Variants in SCAMP1 observed in about 807,000 individuals in gnomAD.
SCAMP1 encodes the protein secretory carrier-associated membrane protein 1.
A neutral mutation model predicts 41.8 loss-of-function variants in SCAMP1; 15 were observed. That is an observed-to-expected ratio of 0.36 (90% CI 0.24 to 0.55). SCAMP1 has a LOEUF of 0.55. Ranked by LOEUF, SCAMP1 falls within the 20% of genes least tolerant of loss-of-function variation. The probability of loss-of-function intolerance (pLI) is 0.86; values close to 1 mark genes in which losing one functional copy is unlikely to be tolerated. For missense variants in SCAMP1, 341 were observed against 412.6 expected (o/e 0.83, Z 1.50); for synonymous variants, 135 against 136.8 (o/e 0.99, Z 0.09).
intron 6 of SCAMP1, among the ~76,000 whole-genome samples, chr5:78,424,374 G>A (rs116240275): frequency 0.012 from 1,763 of 152,256 alleles, 15 homozygotes; most frequent in Middle Eastern, 0.02. Context: ...TAAAAGTTAA[G>A]TTTATTAGGT....
chr5:78,444,167 CA>C (rs765623477), intron 6 of SCAMP1, among the ~76,000 whole-genome samples: 1 of 152,282 alleles, frequency 6.6e-6, no homozygotes, highest in East Asian at 1.9e-4. Flanking sequence ...CTGGTTTAGA[CA>C]GTTTTGGAGC....
chr5:78,467,531 C>G (rs1403564319), intron 8 of SCAMP1, among the ~76,000 whole-genome samples: 2 of 152,144 alleles, frequency 1.3e-5, no homozygotes, highest in Non-Finnish European at 2.9e-5. Context: ...ATATGACTTT[C>G]TCGAATAAAA....
chr5:78,378,921 G>T (rs944385060), intron 1 of SCAMP1, among the ~76,000 whole-genome samples: 1 of 152,166 alleles, frequency 6.6e-6, no homozygotes, highest in Non-Finnish European at 1.5e-5. Context: ...AACAAGGTAC[G>T]TTCAGAGTGA....
rs571584795 is a variant in SCAMP1 at position 78,477,754 on chromosome 5, A to C, written c.*2086A>C. On this transcript the variant is annotated 3_prime_UTR_variant, in exon 9 of 9. Coordinates refer to ENST00000621999, the MANE Select transcript of SCAMP1 (RefSeq NM_004866.6). Reference sequence around the variant, plus strand: ...TTTTAAAATCCAGTTATTTAATATGAGTTTGAGAGAGAAAATTGTTTTTTA... The same window carrying C: ...TTTTAAAATCCAGTTATTTAATATGCGTTTGAGAGAGAAAATTGTTTTTTA... 1 of 152,298 alleles carries C rather than the reference A, an allele frequency of 6.6e-6. No individual in the cohort carries two copies. The highest frequency in any genetic ancestry group is 2.1e-4 in the South Asian group (1 of 4,826). The allele number at this position is 152,298 out of a possible 1,614,324, so 9.4% of individuals were successfully genotyped here. A position where few individuals can be genotyped will look rare whatever the true frequency, so the allele number is the denominator to read the frequency against.
chr5:78,443,369 G>A (rs910804612), intron 6 of SCAMP1, among the ~76,000 whole-genome samples: 2 of 152,114 alleles, frequency 1.3e-5, no homozygotes, highest in Non-Finnish European at 2.9e-5. Flanking sequence ...GCCTCACGTG[G>A]GTGTTGTAAG....
At chr5:78,441,006 G>C (rs1229648243) in intron 6 of SCAMP1, among the ~76,000 whole-genome samples, 1 of 152,230 alleles carries the variant, frequency 6.6e-6, no homozygotes, top group African/African-American at 2.4e-5. Flanking sequence ...GACCCTCCGA[G>C]CCAGGCACAG....
chr5:78,473,032 C>T (rs909207693), intron 8 of SCAMP1, among the ~76,000 whole-genome samples: 3 of 152,016 alleles, frequency 2.0e-5, no homozygotes, highest in Non-Finnish European at 4.4e-5. Flanking sequence ...GTGTCTGGAA[C>T]ATAGGAGTAG....
chr5:78,396,617 TTAAAGG>T lies in SCAMP1; in HGVS notation c.135+7706_135+7711del, dbSNP rs541699504. On this transcript the variant is annotated intron_variant, in intron 2 of 8. Coordinates refer to ENST00000621999, the MANE Select transcript of SCAMP1 (RefSeq NM_004866.6). ...GGAATCATTGGCCCTTAGATGGTAT[TTAAAGG>T]TATAAGACTGGATTTAATCATCAAT... is the stretch of plus-strand genomic sequence containing the variant. Among the ~76,000 whole-genome samples, 124 of 152,286 alleles carry T rather than the reference TTAAAGG, an allele frequency of 8.1e-4. 1 individual carries two copies. Among genetic ancestry groups the T allele is most frequent in the South Asian group, 5.4e-3 (26 of 4,826 alleles).
intron 1 of SCAMP1, among the ~76,000 whole-genome samples, chr5:78,381,632 C>G (rs1157836064): frequency 6.6e-6 from 1 of 152,176 alleles, no homozygotes; most frequent in African/African-American, 2.4e-5. Context: ...GGAGGGGAAC[C>G]CTGGGAAAGT....
chr5:78,456,593 C>G (rs1052887887), intron 7 of SCAMP1, among the ~76,000 whole-genome samples: 2 of 150,268 alleles, frequency 1.3e-5, no homozygotes, highest in Non-Finnish European at 3.0e-5. Context: ...GGTAACCCGA[C>G]CTTTCTCTCT....
Position 78,440,208 on chromosome 5 carries a change from A to G in SCAMP1, c.633-9725A>G, listed in dbSNP as rs187369603. Among the ~76,000 whole-genome samples, 26 of 152,096 alleles carry G rather than the reference A, an allele frequency of 1.7e-4. No homozygotes were observed. In the East Asian group the frequency reaches 2.1e-3, roughly 12 times the overall value. On this transcript the variant is annotated intron_variant, in intron 6 of 8. Transcript: ENST00000621999. ...GATCGTCTGAAGCCTTCTTCTCTCA[A>G]CTCGTCAAAGTCATTCTCCGTTCAG...
intron 6 of SCAMP1, among the ~76,000 whole-genome samples, chr5:78,435,359 A>G (rs1488613189): frequency 2.6e-5 from 4 of 152,142 alleles, no homozygotes; most frequent in Non-Finnish European, 5.9e-5. Flanking sequence ...TACATTAGGT[A>G]TTTCTCCTAA....
Position 78,469,957 on chromosome 5 carries a change from G to T in SCAMP1, c.853-5547G>T, listed in dbSNP as rs898493286. 3.0e-5 allele frequency among the ~76,000 whole-genome samples: 4 copies of T among 134,282 alleles called. No individual in the cohort carries two copies. In the Admixed American group the frequency reaches 3.1e-4, roughly 10 times the overall value. 88.1% of individuals were successfully genotyped at this position (134,282 alleles called of 152,430 possible). A position where few individuals can be genotyped will look rare whatever the true frequency, so the allele number is the denominator to read the frequency against. On this transcript the variant is annotated intron_variant, in intron 8 of 8. Transcript: ENST00000621999. ...ACAACAACACAGCCCAGGCATGGTG[G>T]TGTGAGTTTATTGTCCTAGCTGTTG... is the stretch of plus-strand genomic sequence containing the variant.
At chr5:78,405,702 A>T (rs952706989) in intron 2 of SCAMP1, among the ~76,000 whole-genome samples, 2 of 152,016 alleles carry the variant, frequency 1.3e-5, no homozygotes, top group African/African-American at 2.4e-5. Flanking sequence ...ATGTATCCCA[A>T]TTCCTGTATA....
At chr5:78,369,561 A>G (rs184908581) in intron 1 of SCAMP1, among the ~76,000 whole-genome samples, 22 of 152,352 alleles carry the variant, frequency 1.4e-4, no homozygotes, top group African/African-American at 5.3e-4. Context: ...TGCGAATACT[A>G]CCGTAGTGTG....
At position 78,434,526 on chromosome 5, in the gene SCAMP1, C is replaced by T. The variant is rs140138720; in HGVS notation, c.632+12566C>T. ...GGTGGTCCTCCTCTTCCTCCTCCCT[C>T]TCCTCCCTTCCTTCCTTCTTTCTTC... On this transcript the variant is annotated intron_variant, in intron 6 of 8. Transcript: ENST00000621999. Among the ~76,000 whole-genome samples the T allele has an allele frequency of 5.6e-3, 830 of 146,916 alleles. 4 individuals carry two copies. Among genetic ancestry groups the T allele is most frequent in the African/African-American group, 0.02 (784 of 39,134 alleles).
intron 6 of SCAMP1, among the ~76,000 whole-genome samples, chr5:78,445,692 G>T (rs1753036512): frequency 6.6e-6 from 1 of 151,932 alleles, no homozygotes; most frequent in Non-Finnish European, 1.5e-5. Flanking sequence ...GCTCTCCTGG[G>T]TGTCTTCTGG....
At chr5:78,420,506 A>C (rs962685007) in intron 5 of SCAMP1, among the ~76,000 whole-genome samples, 1 of 151,930 alleles carries the variant, frequency 6.6e-6, no homozygotes, top group African/African-American at 2.4e-5. Flanking sequence ...TATTATGAGC[A>C]AGCATTCCTG....
chr5:78,416,164 A>G (rs899063659), intron 3 of SCAMP1, among the ~76,000 whole-genome samples: 2 of 152,192 alleles, frequency 1.3e-5, no homozygotes, highest in East Asian at 3.8e-4. Context: ...AATAGGAGCC[A>G]ATTCAGTTGC....
Sources: gnomAD v4.1 joint callset for allele counts (sites outside exome capture counted in the v4.1 genomes callset) on GRCh38, gnomAD v4.1.1 for gene constraint, MANE v1.5 for transcripts, NCBI Gene and HGNC (gene_info 2026-07-23, HGNC 2026-07-21) for gene names.